The following LRRC7 variants were observed in gnomAD, a reference collection of about 807,000 sequenced individuals.
LRRC7 encodes the protein leucine rich repeat containing 7.
In LRRC7, 23 loss-of-function variants were observed where a neutral mutation model predicts 175.7. The ratio of observed to expected loss-of-function variants is 0.13; its 90% CI spans 0.09 to 0.19. The LOEUF (loss-of-function observed/expected upper bound fraction) is 0.19. LRRC7 is among the 10% of genes least tolerant of loss of function. The probability of loss-of-function intolerance (pLI) is 1.00; values close to 1 mark genes in which losing one functional copy is unlikely to be tolerated. For synonymous variants in LRRC7, 685 were observed against 680.9 expected, an observed-to-expected ratio of 1.01 and a Z score of -0.09; for missense variants, 1,354 against 1,904.7, an observed-to-expected ratio of 0.71 and a Z score of 5.38.
At chr1:69,588,985 C>CTGTGTG (rs138325158) in intron 1 of LRRC7, among the ~76,000 whole-genome samples, 1,776 of 131,142 alleles carry the variant, frequency 0.014, 44 homozygotes, top group African/African-American at 0.044. Flanking sequence ...CTGCTGGGGT[C>CTGTGTG]TGTGTGTGTG....
chr1:70,080,092 A>G (rs1558052263), intron 24 of LRRC7, among the ~76,000 whole-genome samples: 1 of 152,182 alleles, frequency 6.6e-6, no homozygotes, highest in African/African-American at 2.4e-5. Context: ...AAATGATATT[A>G]ATTAAACCTG....
chr1:70,135,339 C>T lies in LRRC7; in HGVS notation c.*13452C>T, dbSNP rs1666823555. On this transcript the variant is annotated 3_prime_UTR_variant, in exon 27 of 27. Transcript: ENST00000651989. The stretch of plus-strand genomic sequence containing the variant: ...TTATTCTTTTCACTTTTTTACCCAT[C>T]TCCGTGCCATACTGTAGAACAAACA... 6.6e-6 allele frequency among the ~76,000 whole-genome samples: 1 copy of T among 152,118 alleles called. No individual in the cohort carries two copies. Among genetic ancestry groups the T allele is most frequent in the African/African-American group, 2.4e-5 (1 of 41,428 alleles).
In LRRC7 at chr1:69,581,328, T is replaced by C. The variant is rs544424882; in HGVS notation, c.2+12687T>C. ...GTTTACAGTGAGCTGGACAATAAAT[T>C]ATCTTGGGCTAGAATTTTGGTAGTG... On this transcript the variant is annotated intron_variant, in intron 1 of 26. Coordinates refer to ENST00000651989, the MANE Select transcript of LRRC7 (RefSeq NM_001370785.2). 5.3e-5 allele frequency among the ~76,000 whole-genome samples: 8 copies of C among 152,298 alleles called. No homozygotes were observed. In the East Asian group the frequency reaches 1.5e-3, roughly 29 times the overall value.
intron 1 of LRRC7, among the ~76,000 whole-genome samples, chr1:69,590,432 A>G (rs899584178): frequency 1.3e-5 from 2 of 152,176 alleles, no homozygotes; most frequent in Admixed American, 1.3e-4. Flanking sequence ...ACTTAAAAGA[A>G]TTAGTTGGCA....
intron 2 of LRRC7, among the ~76,000 whole-genome samples, chr1:69,719,974 T>C (rs1666173832): frequency 6.6e-6 from 1 of 151,678 alleles, no homozygotes; most frequent in South Asian, 2.1e-4. Context: ...CTTTTCTTTG[T>C]GCACCCTTCT....
At chr1:69,878,880 A>AAT (rs1437666475) in intron 7 of LRRC7, among the ~76,000 whole-genome samples, 1 of 148,176 alleles carries the variant, frequency 6.7e-6, no homozygotes, top group East Asian at 1.9e-4. Flanking sequence ...TTTATATATA[A>AAT]ATATATATTA....
At position 70,144,299 on chromosome 1, in the gene LRRC7, A is replaced by AAAG. The variant is rs1667213986; in HGVS notation, c.*22413_*22415dup. 1 of 152,204 alleles carries AAAG rather than the reference A, an allele frequency of 6.6e-6. No individual in the cohort carries two copies. Among genetic ancestry groups the AAAG allele is most frequent in the South Asian group, 2.1e-4 (1 of 4,830 alleles). 9.4% of individuals were successfully genotyped at this position (152,204 alleles called of 1,614,324 possible). A position where few individuals can be genotyped will look rare whatever the true frequency, so the allele number is the denominator to read the frequency against. The stretch of plus-strand genomic sequence containing the variant: ...GTACTCAACTTTTTCAGTATTTAAA[A>AAAG]AAGTGTTTTGAATAACATAAAAGTC... On this transcript the variant is annotated 3_prime_UTR_variant, in exon 27 of 27. Transcript: ENST00000651989.
chr1:69,693,191 C>A (rs1662113728), intron 2 of LRRC7, among the ~76,000 whole-genome samples: 1 of 152,018 alleles, frequency 6.6e-6, no homozygotes, highest in African/African-American at 2.4e-5. Flanking sequence ...CTCATTGACC[C>A]CTTTCTATAT....
At chr1:69,730,652 T>C (rs957849377) in intron 2 of LRRC7, among the ~76,000 whole-genome samples, 1 of 152,164 alleles carries the variant, frequency 6.6e-6, no homozygotes, top group Non-Finnish European at 1.5e-5. Context: ...GTCCTCCAAG[T>C]CTCTAGGAAG....
At chr1:70,032,054 C>T (rs1389552113) in intron 18 of LRRC7, among the ~76,000 whole-genome samples, 2 of 152,204 alleles carry the variant, frequency 1.3e-5, no homozygotes, top group Non-Finnish European at 2.9e-5. Context: ...ACCTTGGCTT[C>T]CCAAAGTGCT....
At chr1:69,897,640 G>A (rs191829934) in intron 7 of LRRC7, among the ~76,000 whole-genome samples, 2 of 152,134 alleles carry the variant, frequency 1.3e-5, no homozygotes, top group Admixed American at 1.3e-4. Flanking sequence ...TTTATGCTAC[G>A]GCATTGTGGT....
intron 8 of LRRC7, among the ~76,000 whole-genome samples, chr1:69,979,925 T>C (rs1256324977): frequency 1.3e-5 from 2 of 151,926 alleles, no homozygotes; most frequent in East Asian, 3.9e-4. Context: ...TGTGTGTGCA[T>C]GGATGTTTGT....
At chr1:69,617,840 C>G (rs1333200093) in intron 1 of LRRC7, among the ~76,000 whole-genome samples, 1 of 152,118 alleles carries the variant, frequency 6.6e-6, no homozygotes, top group Non-Finnish European at 1.5e-5. Flanking sequence ...GGATAACAAG[C>G]AGTTCTCCTT....
At chr1:69,887,902 T>TA (rs1557853828) in intron 7 of LRRC7, among the ~76,000 whole-genome samples, 6 of 146,728 alleles carry the variant, frequency 4.1e-5, no homozygotes, top group East Asian at 2.0e-4. Context: ...GTGCCCCTGC[T>TA]GGGGGGTGCC....
intron 18 of LRRC7, chr1:70,031,122 T>C (rs1658673521): frequency 6.6e-6 from 1 of 152,214 alleles, no homozygotes; most frequent in Non-Finnish European, 1.5e-5. Context: ...TAATGAACAG[T>C]TATGATTACT....
chr1:69,872,212 T>G (rs1570437075), intron 7 of LRRC7, among the ~76,000 whole-genome samples: 1 of 152,120 alleles, frequency 6.6e-6, no homozygotes, highest in East Asian at 1.9e-4. Flanking sequence ...TAGCATTTAA[T>G]TAGTTTGAAT....
At chr1:69,728,806 A>T (rs1370754666) in intron 2 of LRRC7, among the ~76,000 whole-genome samples, 1 of 152,204 alleles carries the variant, frequency 6.6e-6, no homozygotes, top group Admixed American at 6.5e-5. Context: ...TAAATTGCTG[A>T]AGAGCATGCA....
At chr1:69,681,800 C>G (rs966260830) in intron 2 of LRRC7, among the ~76,000 whole-genome samples, 1 of 152,132 alleles carries the variant, frequency 6.6e-6, no homozygotes, top group Non-Finnish European at 1.5e-5. Flanking sequence ...CAGTCTGATT[C>G]CTGTCCAGTC....
At chr1:69,931,599 A>G (rs1647386729) in intron 8 of LRRC7, 29 bp downstream of exon 8, 1 of 1,547,424 alleles carries the variant, frequency 6.5e-7, no homozygotes, top group Non-Finnish European at 8.9e-7. Flanking sequence ...TAAACCTGAT[A>G]AATACCCTTC....
Sources: allele counts gnomAD v4.1 joint callset (sites outside exome capture counted in the v4.1 genomes callset), GRCh38; gene constraint gnomAD v4.1.1; transcripts MANE v1.5; gene names NCBI Gene and HGNC (gene_info 2026-07-23, HGNC 2026-07-21).